XIRP2: variants seen among roughly 807,000 people sequenced by gnomAD.
XIRP2 encodes xin actin-binding repeat-containing protein 2.
Under a neutral mutation model 277.0 loss-of-function variants are expected in XIRP2, and 236 were observed. The observed-to-expected ratio is 0.85, with a 90% CI of 0.77 to 0.95. XIRP2 has a LOEUF of 0.95. XIRP2 is among the 40% of genes least tolerant of loss of function. The pLI, the probability that XIRP2 is intolerant of heterozygous loss-of-function variation, is 0.00. For missense variants in XIRP2, 4,640 were observed against 4,157.5 expected (o/e 1.12, Z -3.19); for synonymous variants, 1,490 against 1,416.5 (o/e 1.05, Z -1.17).
chr2:167,201,539 T>A (rs1693721636), intron 3 of XIRP2, among the ~76,000 whole-genome samples: 1 of 152,176 alleles, frequency 6.6e-6, no homozygotes, highest in Non-Finnish European at 1.5e-5. Context: ...TCCTTGCAGT[T>A]AAGTTTATTC....
chr2:167,135,243 G>T lies in XIRP2; in HGVS notation c.409-666G>T, dbSNP rs924256438. ...TTGTTTTATTTGATTACATTACTTG[G>T]CCTATACAATAAGGAATCTGTATAT... On this transcript the variant is annotated intron_variant, in intron 2 of 10. Coordinates refer to ENST00000409195, the MANE Select transcript of XIRP2 (RefSeq NM_152381.6). Among the ~76,000 whole-genome samples the T allele has an allele frequency of 2.0e-5, 3 of 151,868 alleles. No homozygotes were observed. The East Asian group carries it at 5.8e-4, about 30-fold the overall frequency.
intron 1 of XIRP2, among the ~76,000 whole-genome samples, chr2:166,895,170 T>C (rs528105508): frequency 6.6e-6 from 1 of 152,296 alleles, no homozygotes; most frequent in East Asian, 1.9e-4. Flanking sequence ...ATGCAGAGTT[T>C]ACTACTTTAA....
At chr2:166,908,030 T>A (rs59546955) in intron 2 of XIRP2, among the ~76,000 whole-genome samples, 8,751 of 152,122 alleles carry the variant, frequency 0.058, 285 homozygotes, top group South Asian at 0.11. Context: ...GACATTTGCA[T>A]TGGTTCCAAG....
In XIRP2 at chr2:167,160,102, C is replaced by G. The variant is rs562702231; in HGVS notation, c.562+24040C>G. 2.6e-5 allele frequency among the ~76,000 whole-genome samples: 4 copies of G among 152,126 alleles called. No individual in the cohort carries two copies. The South Asian group carries it at 8.3e-4, about 32-fold the overall frequency. ...AAAATAAGATATTGAAAATGCCTGG[C>G]CCTGAAGTTCATCTACTACTAAATG... On this transcript the variant is annotated intron_variant, in intron 3 of 10. Transcript: ENST00000409195.
At chr2:167,054,874 T>C (rs1689003499) in intron 2 of XIRP2, among the ~76,000 whole-genome samples, 1 of 152,218 alleles carries the variant, frequency 6.6e-6, no homozygotes, top group Admixed American at 6.5e-5. Context: ...GAATGTATCT[T>C]TCCCAATTAA....
At chr2:167,101,012 C>T (rs548790923) in intron 2 of XIRP2, among the ~76,000 whole-genome samples, 5 of 151,970 alleles carry the variant, frequency 3.3e-5, no homozygotes, top group Non-Finnish European at 7.4e-5. Flanking sequence ...TTCTCAAGGT[C>T]ACTTGAAAAC....
intron 2 of XIRP2, among the ~76,000 whole-genome samples, chr2:167,046,004 G>A (rs1298005332): frequency 6.6e-6 from 1 of 151,904 alleles, no homozygotes; most frequent in Admixed American, 6.6e-5. Context: ...ATGAAGGGAT[G>A]TTGGGTATAT....
chr2:167,010,820 C>G (rs1037401285), intron 2 of XIRP2, among the ~76,000 whole-genome samples: 29 of 151,986 alleles, frequency 1.9e-4, no homozygotes, highest in African/African-American at 6.7e-4. Context: ...GTATTTTATT[C>G]TCTTTGAAGC....
chr2:167,191,824 T>C (rs1693347059), intron 3 of XIRP2, among the ~76,000 whole-genome samples: 1 of 152,196 alleles, frequency 6.6e-6, no homozygotes, highest in Non-Finnish European at 1.5e-5. Context: ...GTGAACCTAA[T>C]GCCTTAGATA....
intron 3 of XIRP2, among the ~76,000 whole-genome samples, chr2:167,136,594 A>G (rs1365546670): frequency 1.3e-5 from 2 of 152,220 alleles, no homozygotes; most frequent in African/African-American, 2.4e-5. Flanking sequence ...CACAAATATC[A>G]TTAAAAAGTT....
chr2:167,141,278 C>T (rs2105323381), intron 3 of XIRP2, among the ~76,000 whole-genome samples: 1 of 152,178 alleles, frequency 6.6e-6, no homozygotes, highest in South Asian at 2.1e-4. Flanking sequence ...TTCATTTGCC[C>T]ATTCATCTGT....
At chr2:167,088,510 C>G (rs1203067157) in intron 2 of XIRP2, among the ~76,000 whole-genome samples, 1 of 152,138 alleles carries the variant, frequency 6.6e-6, no homozygotes, top group Non-Finnish European at 1.5e-5. Context: ...GATGATCTTT[C>G]AAAAATGCCA....
At chr2:167,232,029 T>C (rs1694773593) in intron 5 of XIRP2, among the ~76,000 whole-genome samples, 1 of 151,972 alleles carries the variant, frequency 6.6e-6, no homozygotes, top group Non-Finnish European at 1.5e-5. Context: ...TCTCCACCCC[T>C]GCCACCCATT....
chr2:166,925,585 A>G (rs1047164595), intron 2 of XIRP2, among the ~76,000 whole-genome samples: 5 of 107,162 alleles, frequency 4.7e-5, no homozygotes, highest in African/African-American at 1.9e-4. Context: ...GTGTGTGTGT[A>G]TGTGTATATA....
intron 3 of XIRP2, among the ~76,000 whole-genome samples, chr2:167,167,061 T>G (rs1381525301): frequency 6.6e-6 from 1 of 152,230 alleles, no homozygotes; most frequent in African/African-American, 2.4e-5. Flanking sequence ...GTTGAACAAC[T>G]GCATCCTTTG....
intron 2 of XIRP2, among the ~76,000 whole-genome samples, chr2:166,973,599 T>C (rs1678287813): frequency 6.6e-6 from 1 of 152,174 alleles, no homozygotes; most frequent in Non-Finnish European, 1.5e-5. Context: ...CTGCAGGTTC[T>C]TACCAAAGTG....
At chr2:167,078,687 T>C (rs1056687861) in intron 2 of XIRP2, among the ~76,000 whole-genome samples, 1 of 151,844 alleles carries the variant, frequency 6.6e-6, no homozygotes, top group Non-Finnish European at 1.5e-5. Flanking sequence ...TTACAAAAAA[T>C]TAGCAAGGGC....
intron 2 of XIRP2, among the ~76,000 whole-genome samples, chr2:166,971,508 C>T (rs1260026621): frequency 6.6e-6 from 1 of 151,906 alleles, no homozygotes; most frequent in Non-Finnish European, 1.5e-5. Flanking sequence ...TTTGGACTCC[C>T]TACTCAACTA....
chr2:167,089,568 C>T (rs1416643068), intron 2 of XIRP2, among the ~76,000 whole-genome samples: 1 of 152,128 alleles, frequency 6.6e-6, no homozygotes. Flanking sequence ...CTACTGCTTT[C>T]AGCAAGGATG....
Sources: allele counts gnomAD v4.1 joint callset (sites outside exome capture counted in the v4.1 genomes callset), GRCh38; gene constraint gnomAD v4.1.1; transcripts MANE v1.5; gene names NCBI Gene and HGNC (gene_info 2026-07-23, HGNC 2026-07-21).